Variants in SLC9A1 observed in about 807,000 individuals in gnomAD.
SLC9A1 encodes sodium/hydrogen exchanger 1.
A neutral mutation model predicts 67.9 loss-of-function variants in SLC9A1; 22 were observed. The ratio of observed to expected loss-of-function variants is 0.32; its 90% CI spans 0.23 to 0.46. The LOEUF is 0.46. SLC9A1 is among the 20% of genes least tolerant of loss of function. The pLI, the probability that SLC9A1 is intolerant of heterozygous loss-of-function variation, is 1.00. For synonymous variants in SLC9A1, 421 were observed against 471.8 expected (o/e 0.89, Z 1.40); for missense variants, 686 against 1,094.8 (o/e 0.63, Z 5.27).
intron 5 of SLC9A1, chr1:27,103,610 C>T: frequency 2.4e-6 from 1 of 423,338 alleles, no homozygotes; most frequent in Non-Finnish European, 4.4e-6. Context: ...GACTGCACCA[C>T]AGACTTGCTC....
chr1:27,105,811 G>T (rs139228809), intron 5 of SLC9A1, 74 bp downstream of exon 5: 1 of 1,318,544 alleles, frequency 7.6e-7, no homozygotes, highest in Middle Eastern at 1.8e-4. Context: ...CAAATCACAC[G>T]CTTTCCTCTC....
At position 27,155,094 on chromosome 1, in the gene SLC9A1, A is replaced by C. The variant is rs1158338169; in HGVS notation, c.-760T>G. Among the ~76,000 whole-genome samples the C allele has an allele frequency of 6.6e-6, 1 of 152,010 alleles. No homozygotes were observed. Among genetic ancestry groups the C allele is most frequent in the Non-Finnish European group, 1.5e-5 (1 of 67,976 alleles). On this transcript the variant is annotated 5_prime_UTR_variant, in exon 1 of 12. Coordinates refer to ENST00000263980, the MANE Select transcript of SLC9A1 (RefSeq NM_003047.5). This position sits in a 1 kb window ranked among gnomAD's most constrained non-coding sequence, Gnocchi z 4.5. ...CTCCTCCTGGTCCAGCTCCAGAACT[A>C]ACCCTAGCCCCGGCCCCGGCGGCAG...
chr1:27,154,327 A>G lies in SLC9A1; in HGVS notation c.8T>C (p.Leu3Pro). 6.3e-7 allele frequency: 1 copy of G among 1,586,124 alleles called. No homozygotes were observed. The highest frequency in any genetic ancestry group is 8.6e-7 in the Non-Finnish European group (1 of 1,163,342). Residue 3 changes from leucine (L) to proline (P), a missense_variant, in exon 1 of 12, where the codon CTG (leucine) becomes CCG (proline). Physicochemically the swap from Leu to Pro is moderately conservative, Grantham distance 98. This residue lies in a region of SLC9A1 where 143 missense variants were observed against 166.7 expected (regional missense o/e 0.86). Coordinates refer to ENST00000263980, the MANE Select transcript of SLC9A1 (RefSeq NM_003047.5). ...AGAGAGGCCACAGATGCCAGACCGC[A>G]GAACCATGGTGCTGCTTCCAGAGCC... MV[L>P]RSGICGLSPH...
chr1:27,109,815 G>A lies in SLC9A1; in HGVS notation c.814-38C>T. On this transcript the variant is annotated intron_variant, in intron 2 of 11. Transcript: ENST00000263980. The surrounding 1 kb of genome is among the most constrained non-coding windows in gnomAD (Gnocchi z 5.5). ...TGCAGGCTGGTGGGTGGGAGGAGAG[G>A]GCCCTGGCCCCACGGTTCCCTGGGG... 1.9e-6 allele frequency: 3 copies of A among 1,609,902 alleles called. No individual in the cohort carries two copies. The highest frequency in any genetic ancestry group is 1.1e-5 in the South Asian group (1 of 90,836).
At chr1:27,103,886 C>G (rs1227547909) in intron 5 of SLC9A1, 2 of 153,120 alleles carry the variant, frequency 1.3e-5, no homozygotes, top group Non-Finnish European at 2.9e-5. Context: ...TTTCTAAGAT[C>G]CCAGAGAAGC....
intron 1 of SLC9A1, among the ~76,000 whole-genome samples, chr1:27,121,551 A>G (rs2083304832): frequency 6.6e-6 from 1 of 152,192 alleles, no homozygotes; most frequent in African/African-American, 2.4e-5. Flanking sequence ...TGGAGTAATA[A>G]GCAGCGATTG....
chr1:27,129,018 C>T lies in SLC9A1; in HGVS notation c.353-14732G>A, dbSNP rs1174239547. On this transcript the variant is annotated intron_variant, in intron 1 of 11. Coordinates refer to ENST00000263980, the MANE Select transcript of SLC9A1 (RefSeq NM_003047.5). Reference sequence around the variant, plus strand: ...CGCACGCACGCATGCCAGACACTCCCGTGCAGATCTAGATTCCCAGAAACC... The same window carrying T: ...CGCACGCACGCATGCCAGACACTCCTGTGCAGATCTAGATTCCCAGAAACC... 2.6e-5 allele frequency among the ~76,000 whole-genome samples: 4 copies of T among 152,156 alleles called. 1 individual carries two copies. The highest frequency in any genetic ancestry group is 1.3e-4 in the Admixed American group (2 of 15,276).
At chr1:27,129,922 G>C (rs2083373735) in intron 1 of SLC9A1, among the ~76,000 whole-genome samples, 1 of 152,092 alleles carries the variant, frequency 6.6e-6, no homozygotes, top group Admixed American at 6.5e-5. Context: ...GAGAGAAATG[G>C]TCTGACTCCA....
At chr1:27,104,575 G>C (rs1412348328) in intron 5 of SLC9A1, among the ~76,000 whole-genome samples, 1 of 151,148 alleles carries the variant, frequency 6.6e-6, no homozygotes, top group Non-Finnish European at 1.5e-5. Context: ...ATTTTTTGTA[G>C]AGACAAGGTT....
chr1:27,113,816 GCCT>G lies in SLC9A1; in HGVS notation c.813+7_813+9del, dbSNP rs1279743720. Reference sequence around the variant, plus strand: ...CGTTTGGACATGGGCATGGCCCCTGGCCTCCTCACCACAGTGACGGCGTCATTG... The same window carrying G: ...CGTTTGGACATGGGCATGGCCCCTGGCCTCACCACAGTGACGGCGTCATTG... On this transcript the variant is annotated splice_region_variant and intron_variant, in intron 2 of 11. Transcript: ENST00000263980. 1.2e-6 allele frequency: 2 copies of G among 1,602,420 alleles called. No homozygotes were observed. Among genetic ancestry groups the G allele is most frequent in the East Asian group, 2.2e-5 (1 of 44,720 alleles).
intron 1 of SLC9A1, among the ~76,000 whole-genome samples, chr1:27,145,073 GAAAAAAA>G (rs952148589): frequency 1.5e-4 from 15 of 97,006 alleles, no homozygotes; most frequent in Non-Finnish European, 2.5e-4. Context: ...AAGGAAAAAG[GAAAAAAA>G]AAAAAAAAAA....
chr1:27,154,268 C>T lies in SLC9A1; in HGVS notation c.67G>A (p.Val23Ile), dbSNP rs1213872298. Residue 23 changes from valine to isoleucine, a missense_variant, in exon 1 of 12, where the codon GTT (valine) becomes ATT (isoleucine). By Grantham distance (29) the Val-to-Ile change is conservative. This residue lies in a region of SLC9A1 where 143 missense variants were observed against 166.7 expected (regional missense o/e 0.86). Transcript: ENST00000263980. ...ACAGGCAGCAGCCCCACCAAAGCAA[C>T]CACCACGAGTAAGGAAGGGAAGATC... is the stretch of plus-strand genomic sequence containing the variant. The part of the protein sequence containing the change: ...HRIFPSLLVV[V>I]ALVGLLPVLR... The T allele has an allele frequency of 1.2e-6, 2 of 1,613,204 alleles. No individual in the cohort carries two copies. Among genetic ancestry groups the T allele is most frequent in the South Asian group, 2.2e-5 (2 of 90,878 alleles).
At chr1:27,148,063 G>A (rs962995594) in intron 1 of SLC9A1, among the ~76,000 whole-genome samples, 2 of 151,776 alleles carry the variant, frequency 1.3e-5, no homozygotes, top group African/African-American at 4.8e-5. Context: ...CACACAGCTG[G>A]GCAACAGAGA....
In SLC9A1 at chr1:27,116,953, C is replaced by G. The variant is rs1256359115; in HGVS notation, c.353-2667G>C. Among the ~76,000 whole-genome samples, 3 of 152,172 alleles carry G rather than the reference C, an allele frequency of 2.0e-5. No homozygotes were observed. The South Asian group carries it at 6.2e-4, about 32-fold the overall frequency. On this transcript the variant is annotated intron_variant, in intron 1 of 11. Coordinates refer to ENST00000263980, the MANE Select transcript of SLC9A1 (RefSeq NM_003047.5). The stretch of plus-strand genomic sequence containing the variant: ...CTACCCCCACCATATGTGGCTGACA[C>G]CATATCCTCTGCCTGCCTCCTCCTT...
At chr1:27,120,070 CA>C (rs1222694525) in intron 1 of SLC9A1, among the ~76,000 whole-genome samples, 39 of 143,708 alleles carry the variant, frequency 2.7e-4, no homozygotes, top group South Asian at 1.8e-3. Flanking sequence ...GACTCCACCT[CA>C]AAAAAAAAAA....
chr1:27,102,822 T>TC, intron 6 of SLC9A1, 79 bp from the exon 7 acceptor site: 1 of 1,263,602 alleles, frequency 7.9e-7, no homozygotes, highest in Non-Finnish European at 1.1e-6. Flanking sequence ...CCCCACTCCC[T>TC]CCCGTAGCTG....
At chr1:27,142,246 G>C (rs1289123426) in intron 1 of SLC9A1, among the ~76,000 whole-genome samples, 2 of 152,220 alleles carry the variant, frequency 1.3e-5, no homozygotes, top group African/African-American at 4.8e-5. Context: ...TTAGTTAACA[G>C]AGCAGGGAAG....
In SLC9A1 at chr1:27,106,944, A is replaced by G. The variant is rs905049029; in HGVS notation, c.1282+704T>C. Among the ~76,000 whole-genome samples, 1 of 151,816 alleles carries G rather than the reference A, an allele frequency of 6.6e-6. No homozygotes were observed. The highest frequency in any genetic ancestry group is 2.1e-4 in the South Asian group (1 of 4,824). ...TTTGACACAGCCTGACTCTGTCCCC[A>G]GAGACCACAGCCTTGCTGTGACACA... On this transcript the variant is annotated intron_variant, in intron 4 of 11. Transcript: ENST00000263980. This position sits in a 1 kb window ranked among gnomAD's most constrained non-coding sequence, Gnocchi z 4.3.
intron 1 of SLC9A1, among the ~76,000 whole-genome samples, chr1:27,122,724 C>T (rs1385030953): frequency 6.6e-6 from 1 of 152,224 alleles, no homozygotes; most frequent in Non-Finnish European, 1.5e-5. Context: ...ACCAGCCTGA[C>T]CTTCCCAATC....
Sources: gnomAD v4.1 joint callset for allele counts (sites outside exome capture counted in the v4.1 genomes callset) on GRCh38, gnomAD v4.1.1 for gene constraint, gnomAD v4.1.1 regional missense constraint, Gnocchi (gnomAD v3.1) non-coding constraint, MANE v1.5 for transcripts, NCBI Gene and HGNC (gene_info 2026-07-23, HGNC 2026-07-21) for gene names.